Variants in TMEM67 observed in about 807,000 individuals in gnomAD.
TMEM67 encodes the protein meckelin.
TMEM67 carries 124 observed loss-of-function variants against 136.6 expected under a neutral mutation model. The ratio of observed to expected loss-of-function variants is 0.91; its 90% confidence interval spans 0.78 to 1.05. The LOEUF (loss-of-function observed/expected upper bound fraction) is 1.05. Ranked by LOEUF, TMEM67 falls within the 50% of genes least tolerant of loss-of-function variation. TMEM67 has a pLI of 0.00. For synonymous variants in TMEM67, 364 were observed against 390.5 expected (o/e 0.93, Z 0.80); for missense variants, 1,107 against 1,178.4 (o/e 0.94, Z 0.89).
chr8:93,829,372 C>G, the TMEM67 span, among the ~76,000 whole-genome samples: 1,999 of 149,166 alleles, frequency 0.013, 45 homozygotes, highest in African/African-American at 0.048. Flanking sequence ...CTCTCTCTCT[C>G]TCTCTCTCTC....
At chr8:93,795,848 C>CAA in intron 17 of TMEM67, 53 bp from the exon 18 acceptor site, 1 of 1,368,864 alleles carries the variant, frequency 7.3e-7, no homozygotes, top group Non-Finnish European at 1.0e-6. Context: ...AACAAACAAA[C>CAA]AAACAAAAAA....
intron 23 of TMEM67, among the ~76,000 whole-genome samples, chr8:93,805,370 T>A (rs1353843623): frequency 2.6e-5 from 4 of 151,820 alleles, no homozygotes; most frequent in Admixed American, 1.3e-4. Context: ...GATCACGAGG[T>A]CAGGAGATTG....
chr8:93,794,923 G>A (rs1814538956), intron 16 of TMEM67: 1 of 176,752 alleles, frequency 5.7e-6, no homozygotes, highest in Non-Finnish European at 1.2e-5. Flanking sequence ...GTATGGAGTG[G>A]TTAGTCATTG....
At chr8:93,778,173 A>C (rs1255366698) in intron 7 of TMEM67, among the ~76,000 whole-genome samples, 2 of 152,176 alleles carry the variant, frequency 1.3e-5, no homozygotes, top group African/African-American at 4.8e-5. Flanking sequence ...CTAGGATTGC[A>C]ATGCCTGCTT....
At chr8:93,763,305 C>T (rs1285610106) in intron 3 of TMEM67, among the ~76,000 whole-genome samples, 11 of 152,064 alleles carry the variant, frequency 7.2e-5, no homozygotes, top group African/African-American at 2.7e-4. Context: ...TTTAAATATT[C>T]GTGTTGTTTC....
At chr8:93,763,649 T>C (rs1280586935) in intron 3 of TMEM67, among the ~76,000 whole-genome samples, 193 bp from the exon 4 acceptor site, 2 of 152,172 alleles carry the variant, frequency 1.3e-5, no homozygotes, top group East Asian at 3.8e-4. Context: ...TTTGGAGGCA[T>C]GGACGGGTAC....
intron 6 of TMEM67, among the ~76,000 whole-genome samples, chr8:93,770,053 A>G (rs974108722): frequency 2.0e-5 from 3 of 152,180 alleles, no homozygotes; most frequent in Non-Finnish European, 1.5e-5. Context: ...CTTTCCCTCA[A>G]ATACATTAAT....
chr8:93,791,408 G>A, intron 15 of TMEM67, 89 bp downstream of exon 15: 1 of 906,406 alleles, frequency 1.1e-6, no homozygotes. Context: ...AAACAAATTT[G>A]CCAGCTATTC....
intron 3 of TMEM67, among the ~76,000 whole-genome samples, chr8:93,761,794 C>T (rs1391960919): frequency 6.6e-6 from 1 of 152,134 alleles, no homozygotes; most frequent in Non-Finnish European, 1.5e-5. Flanking sequence ...ATTTTATGTA[C>T]TTGGTATTCC....
At chr8:93,825,151 C>T in the TMEM67 span, among the ~76,000 whole-genome samples, 2 of 152,194 alleles carry the variant, frequency 1.3e-5, no homozygotes, top group Non-Finnish European at 2.9e-5. Flanking sequence ...GAATACAGTA[C>T]GTCATTATGA....
Position 93,763,796 on chromosome 8 carries a change from A to G in TMEM67, c.407-46A>G, listed in dbSNP as rs753792381. ...ATTTTCTGAATATGTAGAAGCTTAT[A>G]TGTTTACTATGAGTTACATCTTTAT... On this transcript the variant is annotated intron_variant, in intron 3 of 27. Transcript: ENST00000453321. The G allele has an allele frequency of 3.5e-5, 44 of 1,257,662 alleles. No individual in the cohort carries two copies. In the East Asian group the frequency reaches 9.8e-4, roughly 28 times the overall value. The allele number at this position is 1,257,662 out of a possible 1,614,324, so 77.9% of individuals were successfully genotyped here.
chr8:93,828,787 C>G, the TMEM67 span, among the ~76,000 whole-genome samples: 2 of 151,600 alleles, frequency 1.3e-5, no homozygotes, highest in East Asian at 3.9e-4. Context: ...TTGAATAGCC[C>G]TTTTAAGAGT....
intron 14 of TMEM67, among the ~76,000 whole-genome samples, chr8:93,788,998 AAC>A (rs1381212356): frequency 6.6e-6 from 1 of 152,202 alleles, no homozygotes; most frequent in African/African-American, 2.4e-5. Context: ...GGTAAAAAAA[AAC>A]AGAGGTAATT....
At chr8:93,779,108 C>A (rs956652217) in intron 7 of TMEM67, among the ~76,000 whole-genome samples, 1 of 152,250 alleles carries the variant, frequency 6.6e-6, no homozygotes, top group Non-Finnish European at 1.5e-5. Flanking sequence ...TTAATTTGAT[C>A]TTCAATTACT....
intron 23 of TMEM67, among the ~76,000 whole-genome samples, chr8:93,807,826 A>T (rs1311587676): frequency 2.0e-5 from 3 of 152,048 alleles, no homozygotes; most frequent in Middle Eastern, 6.3e-3. Context: ...GACAGGCTTT[A>T]TGAAGGCCAG....
At chr8:93,824,207 C>T (rs1809079155), downstream of TMEM67, among the ~76,000 whole-genome samples, 1 of 152,166 alleles carries the variant, frequency 6.6e-6, no homozygotes, top group Non-Finnish European at 1.5e-5. Context: ...AAACTCAAGC[C>T]AGCTGATTGG....
intron 16 of TMEM67, 33 bp downstream of exon 16, chr8:93,793,329 T>A (rs1259199362): frequency 1.3e-6 from 2 of 1,551,898 alleles, no homozygotes; most frequent in South Asian, 1.1e-5. Context: ...AGAATATTTT[T>A]ATCTTTTGAC....
At chr8:93,820,496 A>G (rs762023753), downstream of TMEM67, among the ~76,000 whole-genome samples, 3 of 152,150 alleles carry the variant, frequency 2.0e-5, no homozygotes, top group Non-Finnish European at 2.9e-5. Flanking sequence ...CACTGCCCAT[A>G]AGAGAGGCAC....
chr8:93,780,523 A>G, intron 7 of TMEM67, 70 bp from the exon 8 acceptor site: 1 of 1,600,090 alleles, frequency 6.2e-7, no homozygotes, highest in Non-Finnish European at 8.6e-7. Context: ...ACAAAGTAAA[A>G]TTTTTATATC....
Sources: gnomAD v4.1 joint callset for allele counts (sites outside exome capture counted in the v4.1 genomes callset) on GRCh38, gnomAD v4.1.1 for gene constraint, MANE v1.5 for transcripts, NCBI Gene and HGNC (gene_info 2026-07-23, HGNC 2026-07-21) for gene names.